NKAIN3: variants seen among roughly 807,000 people sequenced by gnomAD.
NKAIN3 encodes the protein sodium/potassium transporting ATPase interacting 3, also known as sodium/potassium-transporting ATPase subunit beta-1-interacting protein 3.
Under a neutral mutation model 30.2 loss-of-function variants are expected in NKAIN3, and 25 were observed. The observed-to-expected ratio is 0.83, with a 90% CI of 0.60 to 1.16. The LOEUF (loss-of-function observed/expected upper bound fraction) is 1.16, where lower values mean the gene tolerates loss of function less well. Among genes scored for constraint, NKAIN3 ranks in the 50% most tolerant of loss-of-function variants. The pLI is 0.00. For missense variants in NKAIN3, 225 were observed against 254.1 expected (o/e 0.89, Z 0.78); for synonymous variants, 91 against 89.6 (o/e 1.02, Z -0.09).
chr8:62,668,622 A>C (rs1182677649), intron 3 of NKAIN3, among the ~76,000 whole-genome samples: 3 of 152,204 alleles, frequency 2.0e-5, no homozygotes, highest in Non-Finnish European at 2.9e-5. Flanking sequence ...GTCTAGAATA[A>C]AAATTACAAA....
Position 62,467,307 on chromosome 8 carries a change from TAGAAA to T in NKAIN3, c.55-112224_55-112220del, listed in dbSNP as rs547180099. On this transcript the variant is annotated intron_variant, in intron 1 of 6. Coordinates refer to ENST00000623646, the MANE Select transcript of NKAIN3 (RefSeq NM_001304533.3). ...ACCACAAAGAGATTACATACTTCTT[TAGAAA>T]AGAAAAGTTGGAGAAATCCTAAGAA... Among the ~76,000 whole-genome samples, 321 of 152,318 alleles carry T rather than the reference TAGAAA, an allele frequency of 2.1e-3. 1 individual carries two copies. The highest frequency in any genetic ancestry group is 7.5e-3 in the African/African-American group (312 of 41,568).
intron 4 of NKAIN3, among the ~76,000 whole-genome samples, chr8:62,797,392 A>T (rs1817895346): frequency 6.6e-6 from 1 of 152,212 alleles, no homozygotes; most frequent in Non-Finnish European, 1.5e-5. Flanking sequence ...TAAAAGAATG[A>T]TTCTACCAAA....
intron 4 of NKAIN3, among the ~76,000 whole-genome samples, chr8:62,909,614 A>G (rs180697168): frequency 1.4e-4 from 22 of 152,300 alleles, no homozygotes; most frequent in African/African-American, 4.6e-4. Context: ...TCAGCCATCT[A>G]CAAATTGATG....
In NKAIN3 at chr8:62,983,994, A is replaced by T. The variant is rs1373875446; in HGVS notation, c.*18587A>T. On this transcript the variant is annotated 3_prime_UTR_variant, in exon 7 of 7. Coordinates refer to ENST00000623646, the MANE Select transcript of NKAIN3 (RefSeq NM_001304533.3). ...GGCAACTAAAGGAACTCAGTAAAAGATCAAAAGCAATGCTCAAAGGGAGTG... is the reference window on the plus strand; with the variant it reads ...GGCAACTAAAGGAACTCAGTAAAAGTTCAAAAGCAATGCTCAAAGGGAGTG... 1.3e-5 allele frequency: 2 copies of T among 152,240 alleles called. No homozygotes were observed. The highest frequency in any genetic ancestry group is 4.8e-5 in the African/African-American group (2 of 41,462). 9.4% of individuals were successfully genotyped at this position (152,240 alleles called of 1,614,324 possible). A position where few individuals can be genotyped will look rare whatever the true frequency, so the allele number is the denominator to read the frequency against.
intron 3 of NKAIN3, among the ~76,000 whole-genome samples, chr8:62,730,978 G>A (rs1352815902): frequency 1.3e-5 from 2 of 152,116 alleles, no homozygotes; most frequent in Admixed American, 6.5e-5. Context: ...TTTGGGCAAT[G>A]ATAGAGCCTT....
At chr8:62,500,482 AAAG>A (rs1807407020) in intron 1 of NKAIN3, among the ~76,000 whole-genome samples, 2 of 145,052 alleles carry the variant, frequency 1.4e-5, no homozygotes, top group African/African-American at 5.3e-5. Context: ...AGAAAGAAAG[AAAG>A]AAGAAAAGAA....
At chr8:62,295,175 G>C (rs1320162740) in intron 1 of NKAIN3, among the ~76,000 whole-genome samples, 3 of 152,128 alleles carry the variant, frequency 2.0e-5, no homozygotes, top group Admixed American at 6.6e-5. Context: ...CATTACCAAT[G>C]TGTCAGCCAT....
intron 1 of NKAIN3, among the ~76,000 whole-genome samples, chr8:62,294,277 A>G (rs990105097): frequency 6.6e-6 from 1 of 152,146 alleles, no homozygotes; most frequent in Non-Finnish European, 1.5e-5. Context: ...GGAAATGCAG[A>G]AATCACCCGT....
intron 5 of NKAIN3, among the ~76,000 whole-genome samples, chr8:62,936,505 T>C (rs1313140239): frequency 6.6e-6 from 1 of 152,068 alleles, no homozygotes; most frequent in African/African-American, 2.4e-5. Context: ...CAGAACCATA[T>C]ACAGAAGGAA....
At chr8:62,888,223 T>G (rs955905623) in intron 4 of NKAIN3, among the ~76,000 whole-genome samples, 5 of 152,228 alleles carry the variant, frequency 3.3e-5, no homozygotes, top group Admixed American at 3.3e-4. Flanking sequence ...GTTTAGGTCA[T>G]GTTTAAAATA....
chr8:62,541,279 C>T (rs1808831101), intron 1 of NKAIN3, among the ~76,000 whole-genome samples: 1 of 152,112 alleles, frequency 6.6e-6, no homozygotes, highest in Admixed American at 6.6e-5. Context: ...GATCTCACCA[C>T]TGCACTCCAG....
chr8:62,919,550 T>A (rs1020031979), intron 5 of NKAIN3, among the ~76,000 whole-genome samples: 1 of 152,212 alleles, frequency 6.6e-6, no homozygotes, highest in Non-Finnish European at 1.5e-5. Context: ...CAGCCTACTT[T>A]CAAAATTTTA....
intron 1 of NKAIN3, among the ~76,000 whole-genome samples, chr8:62,336,182 A>C (rs1270721704): frequency 6.6e-6 from 1 of 151,900 alleles, no homozygotes; most frequent in Non-Finnish European, 1.5e-5. Context: ...AAACAATTTT[A>C]CCTTCATATT....
At chr8:62,562,895 A>G (rs1195927873) in intron 1 of NKAIN3, among the ~76,000 whole-genome samples, 1 of 152,146 alleles carries the variant, frequency 6.6e-6, no homozygotes, top group Non-Finnish European at 1.5e-5. Context: ...TAAACATGAG[A>G]AAAGGTTCTT....
chr8:62,780,287 A>G (rs2130651604), intron 4 of NKAIN3, among the ~76,000 whole-genome samples: 1 of 152,278 alleles, frequency 6.6e-6, no homozygotes, highest in Middle Eastern at 3.4e-3. Flanking sequence ...AATGAGATTA[A>G]ATCAGCAATA....
chr8:62,485,605 A>C (rs569604214), intron 1 of NKAIN3, among the ~76,000 whole-genome samples: 1 of 152,332 alleles, frequency 6.6e-6, no homozygotes, highest in Non-Finnish European at 1.5e-5. Context: ...TGGAGCAAAG[A>C]ACACAACTGA....
At chr8:62,594,504 C>T (rs191549978) in intron 3 of NKAIN3, among the ~76,000 whole-genome samples, 17 of 152,106 alleles carry the variant, frequency 1.1e-4, no homozygotes, top group Admixed American at 7.2e-4. Flanking sequence ...CTTTTTGTTT[C>T]CCTCACTAAT....
intron 1 of NKAIN3, among the ~76,000 whole-genome samples, chr8:62,498,339 G>T (rs1231883153): frequency 1.3e-5 from 2 of 151,908 alleles, no homozygotes; most frequent in Non-Finnish European, 2.9e-5. Context: ...TGAAATTTAA[G>T]GTTTTAAATT....
At chr8:62,551,512 T>C (rs1175799860) in intron 1 of NKAIN3, among the ~76,000 whole-genome samples, 1 of 152,136 alleles carries the variant, frequency 6.6e-6, no homozygotes, top group Non-Finnish European at 1.5e-5. Flanking sequence ...TGGAGAGAAA[T>C]TGATATTGTA....
Sources: gnomAD v4.1 joint callset for allele counts (sites outside exome capture counted in the v4.1 genomes callset) on GRCh38, gnomAD v4.1.1 for gene constraint, MANE v1.5 for transcripts, NCBI Gene and HGNC (gene_info 2026-07-23, HGNC 2026-07-21) for gene names.